The following VGLL3 variants were observed in gnomAD, a reference collection of about 807,000 sequenced individuals.
VGLL3 encodes the protein transcription cofactor vestigial-like protein 3.
In VGLL3, 18 loss-of-function variants were observed where a neutral mutation model predicts 29.2. That is an observed-to-expected ratio of 0.62 (90% confidence interval 0.43 to 0.91). The LOEUF is 0.91. Among genes scored for constraint, VGLL3 ranks in the 40% least tolerant of loss-of-function variants. The pLI is 0.00. For missense variants in VGLL3, 440 were observed against 413.2 expected (o/e 1.06, Z -0.56); for synonymous variants, 180 against 151.8 (o/e 1.19, Z -1.36).
intron 3 of VGLL3, among the ~76,000 whole-genome samples, chr3:86,952,546 A>G (rs1264289687): frequency 2.0e-5 from 3 of 152,170 alleles, no homozygotes; most frequent in Non-Finnish European, 4.4e-5. Flanking sequence ...TAAAGCCTGA[A>G]AGTGTGTGTA....
chr3:86,956,671 GC>G (rs1704729211), intron 3 of VGLL3, among the ~76,000 whole-genome samples: 1 of 151,794 alleles, frequency 6.6e-6, no homozygotes, highest in Admixed American at 6.6e-5. Flanking sequence ...TGTAGTCCCA[GC>G]TACTCAGGAG....
intron 3 of VGLL3, among the ~76,000 whole-genome samples, chr3:86,965,968 G>C (rs537818425): frequency 6.6e-6 from 1 of 152,040 alleles, no homozygotes; most frequent in Admixed American, 6.6e-5. Flanking sequence ...AAAAATTGAC[G>C]TACAACACCC....
intron 3 of VGLL3, among the ~76,000 whole-genome samples, chr3:86,956,690 C>G (rs1704729664): frequency 6.7e-6 from 1 of 149,510 alleles, no homozygotes; most frequent in Admixed American, 6.8e-5. Flanking sequence ...GAGGCTGAGG[C>G]AGGAGAATGG....
At chr3:86,973,642 G>C (rs1000008977) in intron 2 of VGLL3, among the ~76,000 whole-genome samples, 12 of 152,142 alleles carry the variant, frequency 7.9e-5, no homozygotes, top group African/African-American at 2.9e-4. Context: ...GATTAGTCAC[G>C]CCTCACTTTT....
At chr3:86,963,742 G>A (rs983604302) in intron 3 of VGLL3, among the ~76,000 whole-genome samples, 1 of 152,122 alleles carries the variant, frequency 6.6e-6, no homozygotes, top group South Asian at 2.1e-4. Context: ...ATCCTATTAG[G>A]CATTGTTTAC....
At chr3:86,982,904 T>C (rs563580563) in intron 1 of VGLL3, among the ~76,000 whole-genome samples, 1 of 152,300 alleles carries the variant, frequency 6.6e-6, no homozygotes, top group Non-Finnish European at 1.5e-5. Flanking sequence ...TTAATAGTTA[T>C]AAAGTTAAAG....
chr3:86,954,034 T>C (rs992692589), intron 3 of VGLL3, among the ~76,000 whole-genome samples: 3 of 152,192 alleles, frequency 2.0e-5, no homozygotes, highest in Non-Finnish European at 4.4e-5. Flanking sequence ...ATACCTAGCA[T>C]GGCAGCATAA....
intron 3 of VGLL3, among the ~76,000 whole-genome samples, chr3:86,967,086 G>C (rs1044060985): frequency 5.3e-5 from 8 of 151,852 alleles, no homozygotes; most frequent in African/African-American, 1.9e-4. Flanking sequence ...CAAAATGAAA[G>C]AGCAATAATC....
At chr3:86,965,435 T>G (rs894478709) in intron 3 of VGLL3, among the ~76,000 whole-genome samples, 1 of 152,126 alleles carries the variant, frequency 6.6e-6, no homozygotes, top group African/African-American at 2.4e-5. Flanking sequence ...GGGACCCAAC[T>G]TTCACTGTTC....
chr3:86,969,221 A>G (rs1705037939), intron 2 of VGLL3, 98 bp from the exon 3 acceptor site: 2 of 1,395,266 alleles, frequency 1.4e-6, no homozygotes, highest in African/African-American at 2.9e-5. Flanking sequence ...ATAATATTTT[A>G]CAAGCAGTCA....
intron 3 of VGLL3, among the ~76,000 whole-genome samples, chr3:86,949,474 G>A (rs1704570320): frequency 6.6e-6 from 1 of 152,100 alleles, no homozygotes; most frequent in African/African-American, 2.4e-5. Context: ...ATAGGCATAT[G>A]TAAAGCACAA....
intron 3 of VGLL3, chr3:86,962,454 C>T (rs1704872810): frequency 1.0e-6 from 1 of 985,186 alleles, no homozygotes; most frequent in South Asian, 4.7e-5. Context: ...AAAAATGGAC[C>T]ACCTTACTTC....
At chr3:86,975,272 A>C (rs1253785619) in intron 2 of VGLL3, among the ~76,000 whole-genome samples, 1 of 152,200 alleles carries the variant, frequency 6.6e-6, no homozygotes, top group Non-Finnish European at 1.5e-5. Context: ...GAGAATAAAA[A>C]TGTGAGTCTC....
chr3:86,980,153 A>G (rs1457029013), intron 1 of VGLL3, among the ~76,000 whole-genome samples: 1 of 151,818 alleles, frequency 6.6e-6, no homozygotes, highest in Admixed American at 6.6e-5. Flanking sequence ...CTTTGAAAAA[A>G]ACGCATGCTG....
intron 1 of VGLL3, among the ~76,000 whole-genome samples, chr3:86,989,459 C>A (rs746102398): frequency 6.6e-6 from 1 of 152,000 alleles, no homozygotes; most frequent in Non-Finnish European, 1.5e-5. Context: ...AAATTCTAAA[C>A]GGAAAGTTAG....
intron 3 of VGLL3, among the ~76,000 whole-genome samples, chr3:86,954,828 T>C (rs1330280527): frequency 3.4e-5 from 5 of 148,728 alleles, no homozygotes; most frequent in African/African-American, 1.0e-4. Flanking sequence ...AAGAAGGGAG[T>C]GGGGAAAATG....
intron 1 of VGLL3, among the ~76,000 whole-genome samples, chr3:86,980,240 C>A (rs1003847745): frequency 7.2e-5 from 11 of 151,836 alleles, no homozygotes; most frequent in Non-Finnish European, 1.3e-4. Flanking sequence ...AAAATACATA[C>A]CCCAGACTCT....
At chr3:86,969,819 G>A (rs1279184316) in intron 2 of VGLL3, among the ~76,000 whole-genome samples, 12 of 151,892 alleles carry the variant, frequency 7.9e-5, no homozygotes, top group Non-Finnish European at 1.8e-4. Context: ...GCTTTTCATG[G>A]ATAATCTCAT....
chr3:86,972,842 T>C (rs572011139), intron 2 of VGLL3, among the ~76,000 whole-genome samples: 2 of 152,314 alleles, frequency 1.3e-5, no homozygotes, highest in African/African-American at 4.8e-5. Flanking sequence ...TAATTTTGGT[T>C]CAATTTTCAT....
Sources: gnomAD v4.1 joint callset for allele counts (sites outside exome capture counted in the v4.1 genomes callset) on GRCh38, gnomAD v4.1.1 for gene constraint, MANE v1.5 for transcripts, NCBI Gene and HGNC (gene_info 2026-07-23, HGNC 2026-07-21) for gene names.